ZNF385B: variants seen among roughly 807,000 people sequenced by gnomAD.
ZNF385B encodes zinc finger protein 533.
In ZNF385B, 23 loss-of-function variants were observed where a neutral mutation model predicts 39.2. The observed-to-expected ratio is 0.59, with a 90% CI of 0.42 to 0.83. ZNF385B has a LOEUF of 0.83. Among genes scored for constraint, ZNF385B ranks in the 40% least tolerant of loss-of-function variants. The probability of loss-of-function intolerance (pLI) is 0.00; values close to 1 mark genes in which losing one functional copy is unlikely to be tolerated. For synonymous variants in ZNF385B, 205 were observed against 222.6 expected (o/e 0.92, Z 0.70); for missense variants, 552 against 598.9 (o/e 0.92, Z 0.82).
chr2:179,700,892 T>C (rs921539056), intron 3 of ZNF385B, among the ~76,000 whole-genome samples: 3 of 152,154 alleles, frequency 2.0e-5, no homozygotes, highest in African/African-American at 7.2e-5. Context: ...CACGCGCTTG[T>C]AGTCGCAGCT....
chr2:179,660,813 A>G (rs1656068438), intron 3 of ZNF385B, among the ~76,000 whole-genome samples: 1 of 152,234 alleles, frequency 6.6e-6, no homozygotes, highest in Non-Finnish European at 1.5e-5. Flanking sequence ...AATACATAGC[A>G]TGCAAGCCAG....
At chr2:179,471,294 CATT>C (rs945366827) in intron 6 of ZNF385B, among the ~76,000 whole-genome samples, 5 of 152,048 alleles carry the variant, frequency 3.3e-5, no homozygotes, top group African/African-American at 1.2e-4. Flanking sequence ...CTCATCAAGA[CATT>C]AGAAGTTATT....
chr2:179,585,416 A>G (rs1338213320), intron 3 of ZNF385B, among the ~76,000 whole-genome samples: 2 of 152,146 alleles, frequency 1.3e-5, no homozygotes, highest in Non-Finnish European at 2.9e-5. Context: ...GTGTCTTTAT[A>G]GTACCTATTT....
At chr2:179,777,532 C>T (rs1704398420) in intron 1 of ZNF385B, among the ~76,000 whole-genome samples, 1 of 151,894 alleles carries the variant, frequency 6.6e-6, no homozygotes. Flanking sequence ...TCAGATTATA[C>T]TATAACTAAT....
intron 3 of ZNF385B, among the ~76,000 whole-genome samples, chr2:179,604,145 T>G (rs1469367225): frequency 6.6e-6 from 1 of 152,134 alleles, no homozygotes; most frequent in East Asian, 1.9e-4. Context: ...TAAAGCCAAG[T>G]CCATTCTGAA....
chr2:179,522,989 T>G (rs2058617786), intron 4 of ZNF385B: 1 of 368,164 alleles, frequency 2.7e-6, no homozygotes, highest in Non-Finnish European at 5.6e-6. Flanking sequence ...ACATGAAAAT[T>G]TAAAGACCCA....
rs765578313 is a variant in ZNF385B, at chr2:179,445,671, T to G, written c.1019A>C (p.Tyr340Ser). ...CTTTAATCTTGATCCAGGTCTAGGA[T>G]AGGATTTAATTGGACCAGCCCCATT... is the stretch of plus-strand genomic sequence containing the variant. ...ARNGAGPIKS[Y>S]PRPGSRLKMQ... Residue 340 changes from tyrosine to serine, a missense_variant, in exon 8 of 10, where the codon TAT becomes TCT. Transcript: ENST00000410066. The G allele has an allele frequency of 6.2e-7, 1 of 1,614,046 alleles. No homozygotes were observed. Among genetic ancestry groups the G allele is most frequent in the Admixed American group, 1.7e-5 (1 of 60,022 alleles).
Position 179,538,161 on chromosome 2 carries a change from C to T in ZNF385B, c.441+6666G>A, listed in dbSNP as rs568458220. Among the ~76,000 whole-genome samples, 4 of 152,018 alleles carry T rather than the reference C, an allele frequency of 2.6e-5. No individual in the cohort carries two copies. The South Asian group carries it at 8.3e-4, about 32-fold the overall frequency. ...CAGAGTCAGTTGGACATACTAGTAT[C>T]CTAAGAAATATGGAATACATAATTT... On this transcript the variant is annotated intron_variant, in intron 4 of 9. Transcript: ENST00000410066.
At chr2:179,634,201 T>C (rs1428156146) in intron 3 of ZNF385B, among the ~76,000 whole-genome samples, 1 of 146,738 alleles carries the variant, frequency 6.8e-6, no homozygotes, top group East Asian at 1.9e-4. Context: ...AAGCCAAAAT[T>C]GACAAATGGG....
chr2:179,844,454 C>T (rs1708697294), intron 1 of ZNF385B, among the ~76,000 whole-genome samples: 1 of 152,088 alleles, frequency 6.6e-6, no homozygotes, highest in Admixed American at 6.6e-5. Context: ...TAATGTCTGC[C>T]TTGCTATTAA....
intron 3 of ZNF385B, among the ~76,000 whole-genome samples, chr2:179,571,579 A>G (rs958618045): frequency 6.6e-6 from 1 of 152,244 alleles, no homozygotes; most frequent in Non-Finnish European, 1.5e-5. Context: ...ACTGCTTCAC[A>G]GAACACAACA....
intron 5 of ZNF385B, among the ~76,000 whole-genome samples, chr2:179,499,094 A>G (rs1192843889): frequency 1.3e-5 from 2 of 151,990 alleles, no homozygotes; most frequent in Non-Finnish European, 2.9e-5. Flanking sequence ...TCTTAGATAC[A>G]TACTAACTAC....
At chr2:179,755,655 C>T (rs977880119) in intron 3 of ZNF385B, among the ~76,000 whole-genome samples, 3 of 152,164 alleles carry the variant, frequency 2.0e-5, no homozygotes, top group African/African-American at 4.8e-5. Context: ...GTTAGCTCTT[C>T]TTGTTGAATT....
intron 1 of ZNF385B, among the ~76,000 whole-genome samples, chr2:179,860,042 A>G (rs1354906012): frequency 6.6e-6 from 1 of 152,168 alleles, no homozygotes; most frequent in African/African-American, 2.4e-5. Flanking sequence ...GCCAGTTTCC[A>G]CGCTTTAGGC....
At chr2:179,681,766 T>G (rs541843088) in intron 3 of ZNF385B, among the ~76,000 whole-genome samples, 55 of 152,350 alleles carry the variant, frequency 3.6e-4, no homozygotes, top group African/African-American at 1.2e-3. Context: ...GGGAAATGGA[T>G]GCAATTCCAT....
intron 3 of ZNF385B, among the ~76,000 whole-genome samples, chr2:179,728,588 T>G (rs879464591): frequency 8.5e-5 from 13 of 152,180 alleles, no homozygotes; most frequent in African/African-American, 2.7e-4. Context: ...TTTCCCATAG[T>G]TAATATGTTT....
chr2:179,652,567 A>G (rs2106250599), intron 3 of ZNF385B, among the ~76,000 whole-genome samples: 1 of 152,256 alleles, frequency 6.6e-6, no homozygotes, highest in Middle Eastern at 3.4e-3. Context: ...CATAACTCTC[A>G]GTCACCCTCA....
intron 1 of ZNF385B, among the ~76,000 whole-genome samples, chr2:179,772,538 T>C (rs2106509327): frequency 6.6e-6 from 1 of 152,290 alleles, no homozygotes; most frequent in African/African-American, 2.4e-5. Flanking sequence ...TGCAGAGGTC[T>C]TGGGAAAATG....
At chr2:179,770,738 A>G (rs1300337274) in intron 1 of ZNF385B, 66 bp from the exon 2 acceptor site, 1 of 152,208 alleles carries the variant, frequency 6.6e-6, no homozygotes, top group Non-Finnish European at 1.5e-5. Flanking sequence ...ATAGAATAAG[A>G]AATAATTTTT....
Sources: gnomAD v4.1 joint callset for allele counts (sites outside exome capture counted in the v4.1 genomes callset) on GRCh38, gnomAD v4.1.1 for gene constraint, MANE v1.5 for transcripts, NCBI Gene and HGNC (gene_info 2026-07-23, HGNC 2026-07-21) for gene names.